CDH13: variants seen among roughly 807,000 people sequenced by gnomAD.
CDH13 encodes cadherin 13.
In CDH13, 24 loss-of-function variants were observed where a neutral mutation model predicts 63.8. The observed-to-expected ratio is 0.38, with a 90% CI of 0.27 to 0.53. The LOEUF is 0.53. Ranked by LOEUF, CDH13 falls within the 20% of genes least tolerant of loss-of-function variation. The pLI, the probability that CDH13 is intolerant of heterozygous loss-of-function variation, is 0.85. For missense variants in CDH13, 1,049 were observed against 903.1 expected (o/e 1.16, Z -2.07); for synonymous variants, 503 against 355.3 (o/e 1.42, Z -4.67).
chr16:82,636,084 T>G (rs1908619365), intron 1 of CDH13, among the ~76,000 whole-genome samples: 2 of 152,122 alleles, frequency 1.3e-5, no homozygotes, highest in Admixed American at 1.3e-4. Flanking sequence ...AATGCAAGAA[T>G]GGACTAAATC....
rs1054754164 is a variant in CDH13, at chr16:83,263,376, G to T, written c.636+45879G>T. ...TTGTTTTCAGAAAATCAGGCTGATAGTGTTGTACTGAACTCAAATCTGCCT... is the reference window on the plus strand; with the variant it reads ...TTGTTTTCAGAAAATCAGGCTGATATTGTTGTACTGAACTCAAATCTGCCT... On this transcript the variant is annotated intron_variant, in intron 5 of 13. Transcript: ENST00000567109. 5.9e-5 allele frequency among the ~76,000 whole-genome samples: 9 copies of T among 152,180 alleles called. No individual in the cohort carries two copies. In the South Asian group the frequency reaches 1.9e-3, roughly 32 times the overall value.
intron 5 of CDH13, among the ~76,000 whole-genome samples, chr16:83,233,615 G>C (rs1047406097): frequency 3.9e-5 from 6 of 152,082 alleles, no homozygotes; most frequent in Non-Finnish European, 8.8e-5. Context: ...GCATTCTTCA[G>C]CTCATGACTG....
At chr16:83,051,173 C>T (rs868028211) in intron 3 of CDH13, among the ~76,000 whole-genome samples, 1 of 152,226 alleles carries the variant, frequency 6.6e-6, no homozygotes, top group Non-Finnish European at 1.5e-5. Context: ...TCTTCCCATG[C>T]TTACTGAGCC....
chr16:83,439,122 C>G (rs1157276021), intron 6 of CDH13, among the ~76,000 whole-genome samples: 1 of 152,194 alleles, frequency 6.6e-6, no homozygotes, highest in African/African-American at 2.4e-5. Flanking sequence ...CTTCTCCAGT[C>G]TGAACCTCCA....
intron 5 of CDH13, among the ~76,000 whole-genome samples, chr16:83,272,418 T>A (rs1298512939): frequency 2.0e-5 from 3 of 152,232 alleles, no homozygotes; most frequent in Non-Finnish European, 4.4e-5. Context: ...ATTTGGATCA[T>A]GCCTCACATA....
intron 2 of CDH13, among the ~76,000 whole-genome samples, chr16:82,976,416 C>G (rs1017094688): frequency 6.6e-6 from 1 of 152,172 alleles, no homozygotes; most frequent in Admixed American, 6.5e-5. Context: ...TTTTTCTTCA[C>G]TGTGCTGGAG....
intron 1 of CDH13, among the ~76,000 whole-genome samples, chr16:82,780,281 G>C (rs1284004091): frequency 1.3e-5 from 2 of 152,202 alleles, no homozygotes; most frequent in Non-Finnish European, 2.9e-5. Flanking sequence ...AAAAATTCAA[G>C]TAAGAACCTG....
At chr16:83,325,864 G>T (rs561469627) in intron 5 of CDH13, among the ~76,000 whole-genome samples, 12 of 152,238 alleles carry the variant, frequency 7.9e-5, no homozygotes, top group African/African-American at 2.2e-4. Context: ...CATGCCTTCG[G>T]CTGTGTTAAA....
chr16:82,857,545 T>C (rs542682844), intron 1 of CDH13, among the ~76,000 whole-genome samples: 2 of 152,358 alleles, frequency 1.3e-5, no homozygotes, highest in Non-Finnish European at 2.9e-5. Flanking sequence ...TCATACATTA[T>C]GTTCCAAATC....
intron 4 of CDH13, among the ~76,000 whole-genome samples, chr16:83,177,950 G>A (rs748914007): frequency 6.6e-5 from 10 of 152,138 alleles, no homozygotes; most frequent in Non-Finnish European, 1.2e-4. Context: ...CATATAGTAG[G>A]TGTTTAATAA....
intron 1 of CDH13, among the ~76,000 whole-genome samples, chr16:82,740,090 G>A (rs537160825): frequency 9.2e-5 from 14 of 152,166 alleles, no homozygotes; most frequent in South Asian, 6.2e-4. Context: ...TAAAACCTCC[G>A]TGCCACTCAA....
chr16:83,119,357 C>G (rs2035458469), intron 3 of CDH13, among the ~76,000 whole-genome samples: 1 of 152,190 alleles, frequency 6.6e-6, no homozygotes, highest in African/African-American at 2.4e-5. Context: ...TTGTCTCCCT[C>G]CTGAATGCAA....
At chr16:82,765,407 T>G (rs1004364992) in intron 1 of CDH13, among the ~76,000 whole-genome samples, 6 of 152,184 alleles carry the variant, frequency 3.9e-5, no homozygotes, top group African/African-American at 2.4e-5. Context: ...TCTAAAAGTC[T>G]TAAATGGAAA....
intron 1 of CDH13, among the ~76,000 whole-genome samples, chr16:82,794,035 G>A (rs996998473): frequency 6.6e-6 from 1 of 152,036 alleles, no homozygotes; most frequent in African/African-American, 2.4e-5. Context: ...AGCAGAAAGG[G>A]AACTGGGGTA....
At chr16:83,579,694 C>T (rs1328567721) in intron 7 of CDH13, among the ~76,000 whole-genome samples, 1 of 152,106 alleles carries the variant, frequency 6.6e-6, no homozygotes, top group African/African-American at 2.4e-5. Flanking sequence ...GCGTATTCAG[C>T]ACCTGTCATC....
chr16:83,349,380 A>G (rs979975692), intron 6 of CDH13, among the ~76,000 whole-genome samples: 1 of 152,110 alleles, frequency 6.6e-6, no homozygotes, highest in African/African-American at 2.4e-5. Context: ...TCTTGTTGGC[A>G]TCAATTCATG....
chr16:82,664,768 G>A (rs939322858), intron 1 of CDH13, among the ~76,000 whole-genome samples: 1 of 152,100 alleles, frequency 6.6e-6, no homozygotes, highest in African/African-American at 2.4e-5. Flanking sequence ...CTACCCAGTG[G>A]CAGTTTTTGA....
chr16:83,030,525 C>G (rs947371987), intron 2 of CDH13, among the ~76,000 whole-genome samples: 1 of 151,500 alleles, frequency 6.6e-6, no homozygotes, highest in Non-Finnish European at 1.5e-5. Context: ...CATCTGTAAT[C>G]CCAGCTACCC....
At chr16:83,256,286 G>A (rs576717472) in intron 5 of CDH13, among the ~76,000 whole-genome samples, 3 of 152,194 alleles carry the variant, frequency 2.0e-5, no homozygotes, top group East Asian at 3.9e-4. Flanking sequence ...GCCCACCTCA[G>A]CCTCCCAAAG....
Sources: allele counts gnomAD v4.1 joint callset (sites outside exome capture counted in the v4.1 genomes callset), GRCh38; gene constraint gnomAD v4.1.1; transcripts MANE v1.5; gene names NCBI Gene and HGNC (gene_info 2026-07-23, HGNC 2026-07-21).